PTPRE: variants seen among roughly 807,000 people sequenced by gnomAD.
The protein encoded by PTPRE is protein tyrosine phosphatase receptor type E.
Under a neutral mutation model 102.0 loss-of-function variants are expected in PTPRE, and 51 were observed. The ratio of observed to expected loss-of-function variants is 0.50; its 90% CI spans 0.40 to 0.63. The LOEUF (loss-of-function observed/expected upper bound fraction) is 0.63, where lower values mean the gene tolerates loss of function less well. Ranked by LOEUF, PTPRE falls within the 30% of genes least tolerant of loss-of-function variation. The pLI, the probability that PTPRE is intolerant of heterozygous loss-of-function variation, is 0.00. For synonymous variants in PTPRE, 345 were observed against 348.2 expected, an observed-to-expected ratio of 0.99 and a Z score of 0.10; for missense variants, 752 against 915.1, an observed-to-expected ratio of 0.82 and a Z score of 2.30.
chr10:128,055,396 G>A (rs1848868257), intron 6 of PTPRE, among the ~76,000 whole-genome samples: 1 of 152,162 alleles, frequency 6.6e-6, no homozygotes, highest in African/African-American at 2.4e-5. Flanking sequence ...GGGCCCCGCG[G>A]CATTCCTTGC....
intron 20 of PTPRE, among the ~76,000 whole-genome samples, chr10:128,081,117 G>A (rs1482862201): frequency 6.7e-6 from 1 of 150,310 alleles, no homozygotes; most frequent in African/African-American, 2.5e-5. Context: ...ACTGTATGCT[G>A]CCAGATCTAA....
intron 1 of PTPRE, among the ~76,000 whole-genome samples, chr10:127,969,683 G>GC (rs1554903561): frequency 1.5e-4 from 17 of 110,472 alleles, no homozygotes; most frequent in African/African-American, 6.2e-4. Context: ...AAAAAAAAAA[G>GC]GGGGGCGGGG....
intron 2 of PTPRE, among the ~76,000 whole-genome samples, chr10:127,985,390 C>G (rs895245974): frequency 5.9e-5 from 9 of 152,224 alleles, no homozygotes; most frequent in African/African-American, 2.2e-4. Flanking sequence ...CAAGACCAGC[C>G]TGGCCAACAT....
chr10:128,020,724 A>G (rs966416324), intron 2 of PTPRE, among the ~76,000 whole-genome samples: 1 of 152,126 alleles, frequency 6.6e-6, no homozygotes, highest in South Asian at 2.1e-4. Context: ...AGCCCACCTC[A>G]GACAAGTTCT....
rs979192364 is a variant in PTPRE, at chr10:128,019,296, G to A, written c.-7-21579G>A. Among the ~76,000 whole-genome samples, 6 of 152,236 alleles carry A rather than the reference G, an allele frequency of 3.9e-5. No individual in the cohort carries two copies. In the South Asian group the frequency reaches 6.2e-4, roughly 16 times the overall value. Reference sequence around the variant, plus strand: ...TGGGGGAGTGAAGATGGCAGTTCCCGCCTCATAAGGTTGTGAGGACAAGAC... The same window carrying A: ...TGGGGGAGTGAAGATGGCAGTTCCCACCTCATAAGGTTGTGAGGACAAGAC... On this transcript the variant is annotated intron_variant, in intron 2 of 20. Transcript: ENST00000254667.
intron 1 of PTPRE, among the ~76,000 whole-genome samples, chr10:127,948,587 A>T (rs1848794370): frequency 6.6e-6 from 1 of 152,170 alleles, no homozygotes; most frequent in African/African-American, 2.4e-5. Flanking sequence ...CTAGAATGTC[A>T]TGTGGTTGGA....
At chr10:128,073,706 G>T (rs1850980431) in intron 17 of PTPRE, among the ~76,000 whole-genome samples, 1 of 152,190 alleles carries the variant, frequency 6.6e-6, no homozygotes, top group Admixed American at 6.5e-5. Context: ...TAGCCTACAT[G>T]TTATTTAACC....
chr10:128,041,023 C>G (rs1305329856), intron 3 of PTPRE, 33 bp downstream of exon 3: 4 of 1,567,860 alleles, frequency 2.6e-6, no homozygotes, highest in Non-Finnish European at 3.5e-6. Context: ...GCCTCCCCTA[C>G]TACCTCCTCC....
chr10:127,938,005 T>TA (rs1254491768), intron 1 of PTPRE, among the ~76,000 whole-genome samples: 2 of 152,124 alleles, frequency 1.3e-5, no homozygotes, highest in African/African-American at 4.8e-5. Context: ...TCACATTTTT[T>TA]AAAAAAAGAA....
chr10:127,980,145 G>A (rs1026009642), intron 1 of PTPRE, among the ~76,000 whole-genome samples: 3 of 152,050 alleles, frequency 2.0e-5, no homozygotes, highest in Non-Finnish European at 2.9e-5. Context: ...AAAAACCAAT[G>A]CCCTCTCAGT....
chr10:128,067,390 G>GCACACA (rs150997231), intron 11 of PTPRE, among the ~76,000 whole-genome samples: 1 of 64,886 alleles, frequency 1.5e-5, no homozygotes, highest in Non-Finnish European at 3.2e-5. Flanking sequence ...TCACACATGT[G>GCACACA]CACACACACA....
chr10:128,047,597 G>C, intron 4 of PTPRE, 108 bp downstream of exon 4: 1 of 1,612,926 alleles, frequency 6.2e-7, no homozygotes, highest in East Asian at 2.2e-5. Flanking sequence ...TGAGAGGCTG[G>C]GTGGCTGGGC....
intron 6 of PTPRE, among the ~76,000 whole-genome samples, chr10:128,054,941 C>T (rs928818825): frequency 2.6e-5 from 4 of 152,128 alleles, no homozygotes; most frequent in Admixed American, 6.5e-5. Flanking sequence ...GTCTGGGTGC[C>T]GCTCTAGGCT....
intron 3 of PTPRE, among the ~76,000 whole-genome samples, chr10:128,044,721 AG>A (rs919232282): frequency 2.0e-5 from 3 of 152,194 alleles, no homozygotes; most frequent in African/African-American, 7.2e-5. Flanking sequence ...ACCCCGTCAG[AG>A]CCACAATAAC....
At chr10:127,938,871 G>A (rs917064783) in intron 1 of PTPRE, among the ~76,000 whole-genome samples, 22 of 152,180 alleles carry the variant, frequency 1.4e-4, no homozygotes, top group Non-Finnish European at 7.4e-5. Context: ...ACCCTGCCTG[G>A]ACCCTGACAA....
At chr10:127,977,997 A>G (rs1312583017) in intron 1 of PTPRE, among the ~76,000 whole-genome samples, 2 of 152,216 alleles carry the variant, frequency 1.3e-5, no homozygotes, top group African/African-American at 4.8e-5. Context: ...TCTGTGGGCC[A>G]GGCTACTTCC....
Position 127,944,500 on chromosome 10 carries a change from A to ATGGATAAATGGATGGATGGATAAG in PTPRE, c.-31+37196_-31+37197insAAATGGATGGATGGATAAGTGGAT, listed in dbSNP as rs1554896087. On this transcript the variant is annotated intron_variant, in intron 1 of 20. Coordinates refer to ENST00000254667, the MANE Select transcript of PTPRE (RefSeq NM_006504.6). The surrounding 1 kb of genome is among the most constrained non-coding windows in gnomAD (Gnocchi z 4.2). The stretch of plus-strand genomic sequence containing the variant: ...GATGGATGGATGGATGGATGGATGG[A>ATGGATAAATGGATGGATGGATAAG]TGGATGGATGGATGGGTGGATGGAT... Among the ~76,000 whole-genome samples the ATGGATAAATGGATGGATGGATAAG allele has an allele frequency of 6.8e-6, 1 of 146,022 alleles. No individual in the cohort carries two copies. Among genetic ancestry groups the ATGGATAAATGGATGGATGGATAAG allele is most frequent in the African/African-American group, 2.6e-5 (1 of 38,856 alleles).
chr10:127,954,274 T>C (rs1849241635), intron 1 of PTPRE, among the ~76,000 whole-genome samples: 1 of 152,164 alleles, frequency 6.6e-6, no homozygotes, highest in Non-Finnish European at 1.5e-5. Context: ...GAGTGACCAC[T>C]CTGCCTGCTG....
chr10:127,916,887 A>G (rs888302831), intron 1 of PTPRE, among the ~76,000 whole-genome samples: 2 of 152,016 alleles, frequency 1.3e-5, no homozygotes, highest in Non-Finnish European at 2.9e-5. Context: ...TCATTTGTAT[A>G]GTTTCAGCAA....
Sources: allele counts gnomAD v4.1 joint callset (sites outside exome capture counted in the v4.1 genomes callset), GRCh38; gene constraint gnomAD v4.1.1; non-coding constraint Gnocchi (gnomAD v3.1); transcripts MANE v1.5; gene names NCBI Gene and HGNC (gene_info 2026-07-23, HGNC 2026-07-21).